DKK2: variants seen among roughly 807,000 people sequenced by gnomAD.
DKK2 encodes the protein dickkopf-related protein 2.
DKK2 carries 11 observed loss-of-function variants against 28.1 expected under a neutral mutation model. That is an observed-to-expected ratio of 0.39 (90% confidence interval 0.25 to 0.65). The LOEUF (loss-of-function observed/expected upper bound fraction) is 0.65, where lower values mean the gene tolerates loss of function less well. Ranked by LOEUF, DKK2 falls within the 30% of genes least tolerant of loss-of-function variation. DKK2 has a pLI of 0.47. For missense variants in DKK2, 326 were observed against 335.5 expected, an observed-to-expected ratio of 0.97 and a Z score of 0.22; for synonymous variants, 135 against 126.5, an observed-to-expected ratio of 1.07 and a Z score of -0.45.
In DKK2 at chr4:106,947,902, C is replaced by T. The variant is rs913039590; in HGVS notation, c.223-21953G>A. Among the ~76,000 whole-genome samples, 9 of 152,086 alleles carry T rather than the reference C, an allele frequency of 5.9e-5. 1 individual carries two copies. Among genetic ancestry groups the T allele is most frequent in the Admixed American group, 5.9e-4 (9 of 15,246 alleles). ...CTGGCTTCAAGCTCTCCTTCTGTCT[C>T]AGCCTCTCGAGTTGCTAGGATTACA... is the stretch of plus-strand genomic sequence containing the variant. On this transcript the variant is annotated intron_variant, in intron 1 of 3. Transcript: ENST00000285311.
chr4:106,943,786 T>C (rs1167141708), intron 1 of DKK2, among the ~76,000 whole-genome samples: 1 of 152,118 alleles, frequency 6.6e-6, no homozygotes, highest in African/African-American at 2.4e-5. Context: ...GCATACATTA[T>C]TTCTGCCCCA....
chr4:107,025,169 G>A (rs1723755267), intron 1 of DKK2, among the ~76,000 whole-genome samples: 1 of 152,092 alleles, frequency 6.6e-6, no homozygotes, highest in Admixed American at 6.5e-5. Context: ...TGAAGCTCAG[G>A]CTGCTTCCAG....
At chr4:106,980,054 GAA>G (rs1723006391) in intron 1 of DKK2, among the ~76,000 whole-genome samples, 1 of 152,140 alleles carries the variant, frequency 6.6e-6, no homozygotes, top group Non-Finnish European at 1.5e-5. Flanking sequence ...TTATATTACT[GAA>G]AACTTCTCTC....
At chr4:106,995,583 G>T (rs753602755) in intron 1 of DKK2, among the ~76,000 whole-genome samples, 6 of 152,226 alleles carry the variant, frequency 3.9e-5, no homozygotes, top group Middle Eastern at 3.4e-3. Flanking sequence ...GCAGAATGAG[G>T]TCACTGAAGA....
At chr4:107,030,144 A>G (rs943999054) in intron 1 of DKK2, among the ~76,000 whole-genome samples, 1 of 152,086 alleles carries the variant, frequency 6.6e-6, no homozygotes, top group Non-Finnish European at 1.5e-5. Context: ...TTTCTGCTTT[A>G]AAGTTTTCTT....
At chr4:107,015,028 C>T (rs1057273596) in intron 1 of DKK2, among the ~76,000 whole-genome samples, 8 of 151,442 alleles carry the variant, frequency 5.3e-5, no homozygotes, top group African/African-American at 1.9e-4. Flanking sequence ...AGCAGTGGTT[C>T]TATGGTCCAT....
chr4:106,969,637 CT>C (rs2110353694), intron 1 of DKK2, among the ~76,000 whole-genome samples: 1 of 151,806 alleles, frequency 6.6e-6, no homozygotes, highest in South Asian at 2.1e-4. Flanking sequence ...ACTTTGAAAG[CT>C]TTTGATATTT....
intron 1 of DKK2, among the ~76,000 whole-genome samples, chr4:106,930,154 T>G (rs1724480850): frequency 6.6e-6 from 1 of 152,224 alleles, no homozygotes; most frequent in South Asian, 2.1e-4. Flanking sequence ...TGAGCACAGT[T>G]TTCTGTTCAT....
chr4:106,936,463 A>G (rs531447381), intron 1 of DKK2, among the ~76,000 whole-genome samples: 1 of 152,348 alleles, frequency 6.6e-6, no homozygotes, highest in East Asian at 1.9e-4. Flanking sequence ...ATATGGGACT[A>G]TGTGAAAAGA....
At chr4:106,983,620 A>G (rs1483766864) in intron 1 of DKK2, among the ~76,000 whole-genome samples, 1 of 152,214 alleles carries the variant, frequency 6.6e-6, no homozygotes, top group African/African-American at 2.4e-5. Flanking sequence ...TACTTTATCA[A>G]AAGTAAAAAC....
intron 1 of DKK2, among the ~76,000 whole-genome samples, chr4:107,005,374 A>T (rs1052497357): frequency 6.6e-6 from 1 of 151,240 alleles, no homozygotes; most frequent in Non-Finnish European, 1.5e-5. Context: ...AAAACAAAAG[A>T]TGATTATTTG....
chr4:106,987,478 G>A (rs751969680), intron 1 of DKK2, among the ~76,000 whole-genome samples: 7 of 152,096 alleles, frequency 4.6e-5, no homozygotes, highest in Non-Finnish European at 8.8e-5. Flanking sequence ...TGAAAACTTG[G>A]CCTCAGGCAT....
intron 1 of DKK2, among the ~76,000 whole-genome samples, chr4:106,965,149 ATTC>A (rs1305367424): frequency 1.3e-5 from 2 of 152,180 alleles, no homozygotes; most frequent in Non-Finnish European, 2.9e-5. Flanking sequence ...GTACTCCTAC[ATTC>A]TTCTTACTTT....
chr4:107,020,914 A>G (rs531650466), intron 1 of DKK2, among the ~76,000 whole-genome samples: 21 of 152,172 alleles, frequency 1.4e-4, no homozygotes, highest in African/African-American at 5.1e-4. Context: ...GGTGGAGAAC[A>G]TACCACTGAC....
chr4:106,997,145 C>G (rs1310160691), intron 1 of DKK2, among the ~76,000 whole-genome samples: 1 of 151,752 alleles, frequency 6.6e-6, no homozygotes, highest in African/African-American at 2.4e-5. Flanking sequence ...TCTGTAGTGC[C>G]CATCGTTTAG....
Position 107,016,189 on chromosome 4 carries a change from T to C in DKK2, c.222+19181A>G, listed in dbSNP as rs144438681. On this transcript the variant is annotated intron_variant, in intron 1 of 3. Transcript: ENST00000285311. ...AGAACATCGTGGAAAATCTAAAAAG[T>C]CATTCTCCTTGTTTGCTTAGCATGC... Among the ~76,000 whole-genome samples the C allele has an allele frequency of 3.9e-3, 586 of 151,998 alleles. 3 individuals carry two copies. Among genetic ancestry groups the C allele is most frequent in the African/African-American group, 0.013 (544 of 41,526 alleles).
chr4:106,985,979 C>A lies in DKK2; in HGVS notation c.222+49391G>T, dbSNP rs566622270. 2.6e-5 allele frequency among the ~76,000 whole-genome samples: 4 copies of A among 152,122 alleles called. No homozygotes were observed. The South Asian group carries it at 6.2e-4, about 24-fold the overall frequency. On this transcript the variant is annotated intron_variant, in intron 1 of 3. Transcript: ENST00000285311. Reference sequence around the variant, plus strand: ...GAAGGCAAGAAATCTCACCAGGAAACCTTTCAGATCTCAGCCAGCCTAATC... The same window carrying A: ...GAAGGCAAGAAATCTCACCAGGAAAACTTTCAGATCTCAGCCAGCCTAATC...
intron 1 of DKK2, among the ~76,000 whole-genome samples, chr4:106,983,375 G>GAAAGA (rs1560585861): frequency 2.6e-5 from 3 of 115,096 alleles, no homozygotes; most frequent in African/African-American, 1.1e-4. Context: ...AAAGAAGAAA[G>GAAAGA]AAAAGAAAGA....
intron 1 of DKK2, among the ~76,000 whole-genome samples, chr4:107,004,989 G>A (rs929899338): frequency 2.0e-5 from 3 of 152,102 alleles, no homozygotes; most frequent in Admixed American, 6.6e-5. Context: ...CTGAGAGCCT[G>A]GAGCAAGGAA....
Sources: allele counts gnomAD v4.1 joint callset (sites outside exome capture counted in the v4.1 genomes callset), GRCh38; gene constraint gnomAD v4.1.1; transcripts MANE v1.5; gene names NCBI Gene and HGNC (gene_info 2026-07-23, HGNC 2026-07-21).